LOC400499: variants seen among roughly 807,000 people sequenced by gnomAD.
the LOC400499 span, among the ~76,000 whole-genome samples, chr16:11,485,605 C>A: frequency 2.6e-5 from 4 of 152,212 alleles, no homozygotes; most frequent in Non-Finnish European, 5.9e-5. Flanking sequence ...ATCCTTCCCA[C>A]GCATCCATCC....
chr16:11,505,649 T>C, the LOC400499 span, among the ~76,000 whole-genome samples: 1 of 151,918 alleles, frequency 6.6e-6, no homozygotes. Flanking sequence ...TCTCTCCCTG[T>C]GTTGCCCAGG....
At chr16:11,504,285 G>A in the LOC400499 span, among the ~76,000 whole-genome samples, 1 of 152,220 alleles carries the variant, frequency 6.6e-6, no homozygotes, top group Admixed American at 6.5e-5. Flanking sequence ...GCCTGGCGCG[G>A]TGGTTCACGC....
chr16:11,417,302 T>C, the LOC400499 span, among the ~76,000 whole-genome samples: 1 of 152,118 alleles, frequency 6.6e-6, no homozygotes, highest in African/African-American at 2.4e-5. Flanking sequence ...TCATAGCTCA[T>C]TGCAACCTCA....
At chr16:11,494,775 CG>C in the LOC400499 span, 1 of 399,104 alleles carries the variant, frequency 2.5e-6, no homozygotes, top group East Asian at 3.6e-5. Context: ...GGACAGAAAT[CG>C]GCCCCCACCC....
the LOC400499 span, chr16:11,443,491 AAG>A: frequency 2.0e-5 from 3 of 151,656 alleles, no homozygotes; most frequent in African/African-American, 6.7e-5. Flanking sequence ...AAAAAAAAAA[AAG>A]AGAGAGAGAG....
At chr16:11,488,460 C>T in the LOC400499 span, among the ~76,000 whole-genome samples, 1 of 152,114 alleles carries the variant, frequency 6.6e-6, no homozygotes, top group South Asian at 2.1e-4. Context: ...TACTCTGTCA[C>T]CCACGCTGGA....
chr16:11,457,058 C>A, the LOC400499 span: 2 of 1,501,374 alleles, frequency 1.3e-6, no homozygotes, highest in East Asian at 2.5e-5. Flanking sequence ...TGCCCACCCC[C>A]CCAAGATGCC....
chr16:11,415,153 C>G, the LOC400499 span, among the ~76,000 whole-genome samples: 1 of 152,202 alleles, frequency 6.6e-6, no homozygotes, highest in African/African-American at 2.4e-5. Context: ...CCACCTGGCC[C>G]TGGCTGGAGG....
chr16:11,424,134 G>T, the LOC400499 span: 1 of 399,450 alleles, frequency 2.5e-6, no homozygotes, highest in East Asian at 3.6e-5. Context: ...GCCATCTAAG[G>T]AGAAGGGGAG....
chr16:11,385,304 T>A, the LOC400499 span: 82 of 1,232,148 alleles, frequency 6.7e-5, no homozygotes, highest in Middle Eastern at 6.2e-4. Context: ...TCAGCGAGAA[T>A]GTGTTGTGAG....
chr16:11,497,252 G>A, the LOC400499 span, among the ~76,000 whole-genome samples: 2 of 152,178 alleles, frequency 1.3e-5, no homozygotes, highest in African/African-American at 2.4e-5. Flanking sequence ...ATGCGTGTGG[G>A]TCTTGGCGTG....
chr16:11,505,470 T>TCC, the LOC400499 span, among the ~76,000 whole-genome samples: 1 of 112,624 alleles, frequency 8.9e-6, no homozygotes, highest in Non-Finnish European at 1.8e-5. Flanking sequence ...TTTTTTTTTT[T>TCC]TGGAGAAGAG....
chr16:11,472,417 T>A, the LOC400499 span: 1 of 152,112 alleles, frequency 6.6e-6, no homozygotes, highest in Non-Finnish European at 1.5e-5. Flanking sequence ...GATCTTGAAC[T>A]CCTGACCTCA....
the LOC400499 span, chr16:11,412,691 G>C: frequency 2.5e-6 from 1 of 395,254 alleles, no homozygotes; most frequent in Non-Finnish European, 4.5e-6. Context: ...CCTTGGAAAA[G>C]TTACTTGGCC....
the LOC400499 span, chr16:11,404,654 A>G: frequency 3.3e-5 from 13 of 398,774 alleles, no homozygotes; most frequent in African/African-American, 2.7e-4. Context: ...GCCAGGGATG[A>G]TTTCTTGAGT....
the LOC400499 span, chr16:11,390,319 A>T: frequency 1.6e-6 from 2 of 1,233,016 alleles, no homozygotes; most frequent in African/African-American, 3.1e-5. Context: ...GGCCGCCCTG[A>T]TGGGCCTTGG....
At chr16:11,491,664 T>G in the LOC400499 span, 8 of 227,080 alleles carry the variant, frequency 3.5e-5, no homozygotes, top group African/African-American at 1.5e-4. Context: ...GCCCCACCCC[T>G]GCCCACACCC....
At chr16:11,405,493 T>TGGGGAGGAGGC in the LOC400499 span, among the ~76,000 whole-genome samples, 1 of 151,992 alleles carries the variant, frequency 6.6e-6, no homozygotes, top group Non-Finnish European at 1.5e-5. Flanking sequence ...GAAGCAAGCT[T>TGGGGAGGAGGC]GGGGAGGAGG....
chr16:11,484,032 G>C, the LOC400499 span, among the ~76,000 whole-genome samples: 4 of 97,770 alleles, frequency 4.1e-5, no homozygotes, highest in African/African-American at 1.6e-4. Flanking sequence ...TTTTGAGACA[G>C]ACTCTCGCTC....
Sources: allele counts gnomAD v4.1 joint callset (sites outside exome capture counted in the v4.1 genomes callset), GRCh38; gene constraint gnomAD v4.1.1; transcripts MANE v1.5.